The following LRP1B variants were observed in gnomAD, a reference collection of about 807,000 sequenced individuals.
LRP1B encodes LDL receptor related protein 1B.
Under a neutral mutation model 556.6 loss-of-function variants are expected in LRP1B, and 217 were observed. That is an observed-to-expected ratio of 0.39 (90% confidence interval 0.35 to 0.44). The LOEUF (loss-of-function observed/expected upper bound fraction) is 0.44. LRP1B is among the 20% of genes least tolerant of loss of function. LRP1B has a pLI of 1.00. For synonymous variants in LRP1B, 2,047 were observed against 1,865.8 expected, an observed-to-expected ratio of 1.10 and a Z score of -2.50; for missense variants, 5,053 against 5,620.8, an observed-to-expected ratio of 0.90 and a Z score of 3.23.
chr2:141,055,241 T>G lies in LRP1B; in HGVS notation c.1427A>C (p.Glu476Ala). The G allele has an allele frequency of 6.2e-7, 1 of 1,610,564 alleles. No homozygotes were observed. Among genetic ancestry groups the G allele is most frequent in the Non-Finnish European group, 8.5e-7 (1 of 1,178,234 alleles). The change falls in exon 10 of 91, where the codon GAA (glutamate) becomes GCA (alanine). Residue 476 changes from glutamate (E) to alanine (A), a missense_variant. Glu to Ala is a moderately radical substitution (Grantham distance 107). Coordinates refer to ENST00000389484, the MANE Select transcript of LRP1B (RefSeq NM_018557.3). ...CCCTGGCATTCCATATGGATCGACT[T>G]CACATGCATGGCTTCTGACTACAAC... ...TQPTVRSHACEVDPYGMPGGC... is the reference protein window; with the variant it reads ...TQPTVRSHACAVDPYGMPGGC...
intron 3 of LRP1B, among the ~76,000 whole-genome samples, chr2:141,471,958 T>A (rs1682490740): frequency 6.6e-6 from 1 of 152,224 alleles, no homozygotes; most frequent in Non-Finnish European, 1.5e-5. Context: ...TAAATATTCA[T>A]ATAAATTAAC....
At chr2:141,852,605 T>C (rs1697903543) in intron 1 of LRP1B, among the ~76,000 whole-genome samples, 1 of 151,596 alleles carries the variant, frequency 6.6e-6, no homozygotes, top group Non-Finnish European at 1.5e-5. Flanking sequence ...AAGAGACCAA[T>C]AGGTCAATAG....
chr2:141,800,694 C>T (rs1695980495), intron 2 of LRP1B, among the ~76,000 whole-genome samples: 1 of 152,098 alleles, frequency 6.6e-6, no homozygotes, highest in Non-Finnish European at 1.5e-5. Flanking sequence ...GAATCTTTAT[C>T]ATAAACATCA....
At chr2:141,479,710 G>C (rs1464699913) in intron 3 of LRP1B, among the ~76,000 whole-genome samples, 2 of 152,062 alleles carry the variant, frequency 1.3e-5, no homozygotes, top group Non-Finnish European at 2.9e-5. Flanking sequence ...CTGGATCCTT[G>C]ACTGTTTTCT....
At chr2:141,766,814 T>C (rs1694748135) in intron 2 of LRP1B, among the ~76,000 whole-genome samples, 1 of 152,144 alleles carries the variant, frequency 6.6e-6, no homozygotes, top group African/African-American at 2.4e-5. Context: ...ACAATTTCTT[T>C]TAACCATATA....
intron 3 of LRP1B, among the ~76,000 whole-genome samples, chr2:141,425,705 G>A (rs1227529007): frequency 2.0e-5 from 3 of 151,838 alleles, no homozygotes; most frequent in Non-Finnish European, 4.4e-5. Context: ...CCTTTTGGCT[G>A]CATAAATGTC....
intron 2 of LRP1B, among the ~76,000 whole-genome samples, chr2:141,797,743 A>C (rs1045961585): frequency 1.3e-5 from 2 of 152,196 alleles, no homozygotes; most frequent in Non-Finnish European, 2.9e-5. Flanking sequence ...GAAGCTATTA[A>C]GCAGCATCAA....
intron 7 of LRP1B, among the ~76,000 whole-genome samples, chr2:141,154,653 G>A (rs1354159980): frequency 6.6e-6 from 1 of 151,024 alleles, no homozygotes; most frequent in Non-Finnish European, 1.5e-5. Flanking sequence ...TTTCATTTAT[G>A]CATTTGGATG....
At chr2:141,508,315 T>C (rs1238830367) in intron 2 of LRP1B, among the ~76,000 whole-genome samples, 2 of 152,150 alleles carry the variant, frequency 1.3e-5, no homozygotes, top group African/African-American at 2.4e-5. Context: ...AATGGCTGTA[T>C]GTTCATCAGA....
At chr2:141,686,651 A>T (rs578255574) in intron 2 of LRP1B, among the ~76,000 whole-genome samples, 1 of 151,992 alleles carries the variant, frequency 6.6e-6, no homozygotes, top group African/African-American at 2.4e-5. Flanking sequence ...TCATTCATAT[A>T]TTCCCAATCT....
At chr2:142,027,113 T>C (rs1484801438) in intron 1 of LRP1B, among the ~76,000 whole-genome samples, 3 of 152,000 alleles carry the variant, frequency 2.0e-5, no homozygotes, top group Non-Finnish European at 4.4e-5. Context: ...ATGCGCTTTG[T>C]GGGTGCATTG....
At chr2:141,578,180 G>C (rs1053893878) in intron 2 of LRP1B, among the ~76,000 whole-genome samples, 1 of 152,068 alleles carries the variant, frequency 6.6e-6, no homozygotes, top group Non-Finnish European at 1.5e-5. Flanking sequence ...TGGATCATGA[G>C]GTCAAGAGCT....
intron 2 of LRP1B, among the ~76,000 whole-genome samples, chr2:141,624,036 C>CAAAAAACA (rs1688609247): frequency 1.1e-5 from 1 of 90,760 alleles, no homozygotes; most frequent in Non-Finnish European, 2.1e-5. Context: ...AAAAATTAAA[C>CAAAAAACA]AAAAAAAAAA....
intron 41 of LRP1B, among the ~76,000 whole-genome samples, chr2:140,640,383 CTTTTTTTTTTT>C (rs70988414): frequency 2.9e-4 from 14 of 48,498 alleles, no homozygotes; most frequent in Non-Finnish European, 4.9e-4. Flanking sequence ...GTCCTGTTTT[CTTTTTTTTTTT>C]TTTTTTTTTT....
intron 7 of LRP1B, among the ~76,000 whole-genome samples, chr2:141,135,723 T>C (rs949784249): frequency 1.3e-5 from 2 of 151,936 alleles, no homozygotes; most frequent in African/African-American, 2.4e-5. Context: ...CCAGACAATA[T>C]TGGACCCCTT....
At chr2:141,228,298 C>A (rs1390894399) in intron 6 of LRP1B, among the ~76,000 whole-genome samples, 1 of 152,178 alleles carries the variant, frequency 6.6e-6, no homozygotes, top group Non-Finnish European at 1.5e-5. Context: ...TTAAAATTAT[C>A]ATTCTTATGG....
chr2:141,321,158 G>A (rs1687223486), intron 3 of LRP1B, among the ~76,000 whole-genome samples: 1 of 152,094 alleles, frequency 6.6e-6, no homozygotes, highest in Non-Finnish European at 1.5e-5. Context: ...GGCATAAAGA[G>A]CAGTTCCTGA....
chr2:140,963,472 G>A (rs1341789423), intron 18 of LRP1B, among the ~76,000 whole-genome samples: 2 of 151,812 alleles, frequency 1.3e-5, no homozygotes, highest in Non-Finnish European at 2.9e-5. Context: ...TTTAACCAAT[G>A]GAGATATTAA....
intron 3 of LRP1B, among the ~76,000 whole-genome samples, chr2:141,287,711 G>T (rs1023748126): frequency 6.6e-6 from 1 of 152,134 alleles, no homozygotes; most frequent in Non-Finnish European, 1.5e-5. Flanking sequence ...TGTGGTGAGA[G>T]ACTATTTCCT....
Sources: gnomAD v4.1 joint callset for allele counts (sites outside exome capture counted in the v4.1 genomes callset) on GRCh38, gnomAD v4.1.1 for gene constraint, MANE v1.5 for transcripts, NCBI Gene and HGNC (gene_info 2026-07-23, HGNC 2026-07-21) for gene names.